Variants in CCDC88A observed in about 807,000 individuals in gnomAD.
The protein encoded by CCDC88A is girdin.
In CCDC88A, 54 loss-of-function variants were observed where a neutral mutation model predicts 234.3. The ratio of observed to expected loss-of-function variants is 0.23; its 90% CI spans 0.19 to 0.29. The LOEUF is 0.29. Among genes scored for constraint, CCDC88A ranks in the 10% least tolerant of loss-of-function variants. The pLI, the probability that CCDC88A is intolerant of heterozygous loss-of-function variation, is 1.00. For synonymous variants in CCDC88A, 753 were observed against 737.8 expected, an observed-to-expected ratio of 1.02 and a Z score of -0.33; for missense variants, 1,832 against 2,123.4, an observed-to-expected ratio of 0.86 and a Z score of 2.70.
intron 5 of CCDC88A, among the ~76,000 whole-genome samples, chr2:55,365,840 C>A (rs1159925294): frequency 1.3e-5 from 2 of 152,134 alleles, no homozygotes; most frequent in Non-Finnish European, 2.9e-5. Flanking sequence ...ATAATCAGAT[C>A]AAATTTCTAT....
chr2:55,307,359 A>AT (rs58399854), intron 25 of CCDC88A, among the ~76,000 whole-genome samples: 16,037 of 140,506 alleles, frequency 0.11, 2,849 homozygotes, highest in African/African-American at 0.38. Flanking sequence ...TCTTCACCTA[A>AT]TTTTTTTTTT....
chr2:55,339,492 T>C lies in CCDC88A; in HGVS notation c.1490A>G (p.Glu497Gly), dbSNP rs1668209032. 2 of 1,589,860 alleles carry C rather than the reference T, an allele frequency of 1.3e-6. No homozygotes were observed. Among genetic ancestry groups the C allele is most frequent in the African/African-American group, 2.7e-5 (2 of 73,302 alleles). The stretch of plus-strand genomic sequence containing the variant: ...TTTACTGAGCCTTTGATTTTCTTTT[T>C]CCATTTTCAGGATTTTGGAAGCATT... ...EGNASKILKM[E>G]KENQRLSKKV... The change falls in exon 13 of 33, where the codon GAA becomes GGA. Residue 497 changes from glutamate (E) to glycine (G), a missense_variant. This residue lies in a region of CCDC88A where 1,282 missense variants were observed against 1,543.6 expected (regional missense o/e 0.83). Coordinates refer to ENST00000436346, the MANE Select transcript of CCDC88A (RefSeq NM_001365480.1).
chr2:55,334,015 A>G lies in CCDC88A; in HGVS notation c.2727+79T>C. 4.2e-6 allele frequency: 2 copies of G among 473,624 alleles called. No individual in the cohort carries two copies. The highest frequency in any genetic ancestry group is 7.1e-6 in the Non-Finnish European group (2 of 280,626). The allele number at this position is 473,624 out of a possible 1,614,324, so 29.3% of individuals were successfully genotyped here. ...AAAATAAATGATGCAAATTACTGATAGATTCCAATAAAACTTAAAGAAACC... is the reference window on the plus strand; with the variant it reads ...AAAATAAATGATGCAAATTACTGATGGATTCCAATAAAACTTAAAGAAACC... On this transcript the variant is annotated intron_variant, in intron 15 of 32. Coordinates refer to ENST00000436346, the MANE Select transcript of CCDC88A (RefSeq NM_001365480.1). The surrounding 1 kb of genome is among the most constrained non-coding windows in gnomAD (Gnocchi z 6.1).
In CCDC88A at chr2:55,296,395, A is replaced by T. The variant is rs765989278; in HGVS notation, c.4954T>A (p.Ser1652Thr). 3 of 1,614,088 alleles carry T rather than the reference A, an allele frequency of 1.9e-6. No homozygotes were observed. In the South Asian group the frequency reaches 3.3e-5, roughly 18 times the overall value. The change falls in exon 30 of 33, where the codon TCA becomes ACA. Residue 1652 changes from serine (S) to threonine (T), a missense_variant. Ser to Thr is a moderately conservative substitution (Grantham distance 58). Transcript: ENST00000436346. Reference sequence around the variant, plus strand: ...ATTTTGTGCTGGAGCACTGGGCTTGATCTGGTCTGTCTTTTCAAGTACTGG... The same window carrying T: ...ATTTTGTGCTGGAGCACTGGGCTTGTTCTGGTCTGTCTTTTCAAGTACTGG... Reference protein sequence around the residue: ...PIQYLKRQTRSSPVLQHKISE... With the variant: ...PIQYLKRQTRTSPVLQHKISE...
At chr2:55,353,066 C>T (rs1209598189) in intron 8 of CCDC88A, among the ~76,000 whole-genome samples, 2 of 152,148 alleles carry the variant, frequency 1.3e-5, no homozygotes, top group Non-Finnish European at 2.9e-5. Flanking sequence ...ACCGGGAATA[C>T]TAGTTACAAT....
Position 55,332,618 on chromosome 2 carries a change from T to C in CCDC88A, c.2803A>G (p.Ile935Val). ...LEKLTHELEK[I>V]GLNKERLLHD... ...AAGAGTCGCTCCTTATTTAACCCTA[T>C]CTTCTCAAGCTCATGAGTTAATTTT... Residue 935 changes from isoleucine (I) to valine (V), a missense_variant, in exon 16 of 33, where the codon ATA (isoleucine) becomes GTA (valine). Transcript: ENST00000436346. This position sits in a 1 kb window ranked among gnomAD's most constrained non-coding sequence, Gnocchi z 4.5. 1 of 1,613,100 alleles carries C rather than the reference T, an allele frequency of 6.2e-7. No homozygotes were observed. Among genetic ancestry groups the C allele is most frequent in the African/African-American group, 1.3e-5 (1 of 74,990 alleles).
chr2:55,384,869 C>T (rs1016764017), intron 3 of CCDC88A, among the ~76,000 whole-genome samples: 7 of 151,582 alleles, frequency 4.6e-5, no homozygotes, highest in African/African-American at 1.7e-4. Context: ...GTTGGCCAGG[C>T]TGGTTTGGAA....
At chr2:55,402,806 G>A (rs903043134) in intron 2 of CCDC88A, among the ~76,000 whole-genome samples, 2 of 150,962 alleles carry the variant, frequency 1.3e-5, no homozygotes, top group East Asian at 1.9e-4. Context: ...TCAAGAGATC[G>A]AGACCATCCT....
intron 13 of CCDC88A, among the ~76,000 whole-genome samples, chr2:55,338,182 T>C (rs1668038217): frequency 6.6e-6 from 1 of 152,222 alleles, no homozygotes; most frequent in African/African-American, 2.4e-5. Context: ...GGCCCAATTT[T>C]AATGACAACC....
chr2:55,408,846 C>T (rs577188293), intron 2 of CCDC88A, among the ~76,000 whole-genome samples: 2 of 152,226 alleles, frequency 1.3e-5, no homozygotes, highest in East Asian at 1.9e-4. Flanking sequence ...GGACCCCTTT[C>T]CAGTAACACA....
At chr2:55,305,853 T>TC (rs1451261103) in intron 25 of CCDC88A, among the ~76,000 whole-genome samples, 1 of 147,402 alleles carries the variant, frequency 6.8e-6, no homozygotes, top group African/African-American at 2.7e-5. Context: ...AGAGTAAGAC[T>TC]CCATCTCTTA....
intron 5 of CCDC88A, among the ~76,000 whole-genome samples, chr2:55,365,060 T>C (rs1460635708): frequency 3.3e-5 from 5 of 152,200 alleles, no homozygotes; most frequent in African/African-American, 1.2e-4. Context: ...TGCTATATTT[T>C]CTACTACTAT....
rs1249532171 is a variant in CCDC88A, at chr2:55,294,910, C to T, written c.5551+687G>A. On this transcript the variant is annotated intron_variant, in intron 31 of 32. Coordinates refer to ENST00000436346, the MANE Select transcript of CCDC88A (RefSeq NM_001365480.1). ...GTGGTTACACATTCACATTAATATA[C>T]ATGCCATCATGTACAGCTGAACACT... 3 of 1,136,044 alleles carry T rather than the reference C, an allele frequency of 2.6e-6. No homozygotes were observed. In the African/African-American group the frequency reaches 4.9e-5, roughly 19 times the overall value. The allele number at this position is 1,136,044 out of a possible 1,614,324, so 70.4% of individuals were successfully genotyped here. A position where few individuals can be genotyped will look rare whatever the true frequency, so the allele number is the denominator to read the frequency against.
chr2:55,415,772 T>C (rs111484538), intron 2 of CCDC88A, among the ~76,000 whole-genome samples: 34 of 152,240 alleles, frequency 2.2e-4, no homozygotes, highest in African/African-American at 7.0e-4. Flanking sequence ...CACCACCAAG[T>C]AGGTCCTGTT....
At chr2:55,293,253 C>G (rs1436058026) in intron 31 of CCDC88A, among the ~76,000 whole-genome samples, 1 of 152,056 alleles carries the variant, frequency 6.6e-6, no homozygotes, top group African/African-American at 2.4e-5. Context: ...AGAAATAACA[C>G]TAATTATAAC....
chr2:55,294,712 T>G, intron 31 of CCDC88A: 2 of 992,396 alleles, frequency 2.0e-6, no homozygotes, highest in Non-Finnish European at 2.4e-6. Context: ...CAAATATGAC[T>G]TGGAAATGTC....
At chr2:55,382,537 T>C (rs1042986975) in intron 3 of CCDC88A, among the ~76,000 whole-genome samples, 2 of 152,170 alleles carry the variant, frequency 1.3e-5, no homozygotes, top group African/African-American at 4.8e-5. Context: ...TACTTGTAAA[T>C]GCTGTCTCTG....
In CCDC88A at chr2:55,291,019, G is replaced by A. The variant is rs529227696; in HGVS notation, c.*181C>T. 1 of 152,440 alleles carries A rather than the reference G, an allele frequency of 6.6e-6. No individual in the cohort carries two copies. The highest frequency in any genetic ancestry group is 1.5e-5 in the Non-Finnish European group (1 of 67,960). The allele number at this position is 152,440 out of a possible 1,614,324, so 9.4% of individuals were successfully genotyped here. A position where few individuals can be genotyped will look rare whatever the true frequency, so the allele number is the denominator to read the frequency against. On this transcript the variant is annotated 3_prime_UTR_variant, in exon 33 of 33. Coordinates refer to ENST00000436346, the MANE Select transcript of CCDC88A (RefSeq NM_001365480.1). The stretch of plus-strand genomic sequence containing the variant: ...AGTGCTCCTTGATTCAAGGAATGAA[G>A]GTTTGTATTTCTTGCCTGCTCTATT...
intron 6 of CCDC88A, 86 bp from the exon 7 acceptor site, chr2:55,362,534 T>C: frequency 9.0e-7 from 1 of 1,114,726 alleles, no homozygotes; most frequent in Non-Finnish European, 1.3e-6. Context: ...TTAGCCCAAG[T>C]ATTATATAAC....
Sources: allele counts gnomAD v4.1 joint callset (sites outside exome capture counted in the v4.1 genomes callset), GRCh38; gene constraint gnomAD v4.1.1; regional missense constraint gnomAD v4.1.1; non-coding constraint Gnocchi (gnomAD v3.1); transcripts MANE v1.5; gene names NCBI Gene and HGNC (gene_info 2026-07-23, HGNC 2026-07-21).